The following PRKCB variants were observed in gnomAD, a reference collection of about 807,000 sequenced individuals.
PRKCB encodes protein kinase C beta type.
In PRKCB, 13 loss-of-function variants were observed where a neutral mutation model predicts 81.5. That is an observed-to-expected ratio of 0.16 (90% CI 0.10 to 0.25). PRKCB has a LOEUF of 0.25. Ranked by LOEUF, PRKCB falls within the 10% of genes least tolerant of loss-of-function variation. The pLI, the probability that PRKCB is intolerant of heterozygous loss-of-function variation, is 1.00. For missense variants in PRKCB, 509 were observed against 875.7 expected (o/e 0.58, Z 5.29); for synonymous variants, 335 against 321.4 (o/e 1.04, Z -0.45).
At chr16:24,200,152 C>A (rs992698951) in intron 16 of PRKCB, among the ~76,000 whole-genome samples, 2 of 152,170 alleles carry the variant, frequency 1.3e-5, no homozygotes, top group African/African-American at 4.8e-5. Flanking sequence ...CATTGACTAA[C>A]CTCTGAAAGA....
intron 3 of PRKCB, among the ~76,000 whole-genome samples, chr16:24,016,263 C>T (rs779064088): frequency 3.3e-5 from 5 of 152,122 alleles, no homozygotes; most frequent in Non-Finnish European, 5.9e-5. Flanking sequence ...AAAATCGTGG[C>T]TCACCACGGC....
intron 2 of PRKCB, among the ~76,000 whole-genome samples, chr16:23,960,044 T>C (rs1964404140): frequency 6.6e-6 from 1 of 152,030 alleles, no homozygotes; most frequent in South Asian, 2.1e-4. Flanking sequence ...ATTCGGTCCA[T>C]AGGCATGTCA....
chr16:23,976,110 CAG>C (rs1347709796), intron 2 of PRKCB, among the ~76,000 whole-genome samples: 2 of 151,974 alleles, frequency 1.3e-5, no homozygotes, highest in Non-Finnish European at 2.9e-5. Flanking sequence ...AGTTCGAAAC[CAG>C]CCTGGTCAAC....
chr16:24,011,873 G>A (rs1965206993), intron 3 of PRKCB, among the ~76,000 whole-genome samples: 1 of 152,058 alleles, frequency 6.6e-6, no homozygotes, highest in Admixed American at 6.6e-5. Context: ...TACTTCTTAG[G>A]GTGAGTATTA....
chr16:24,074,300 G>A (rs567954645), intron 5 of PRKCB, among the ~76,000 whole-genome samples: 3 of 152,320 alleles, frequency 2.0e-5, no homozygotes, highest in African/African-American at 7.2e-5. Flanking sequence ...GCCTAAGAGT[G>A]CAGCCTTGGG....
chr16:24,130,482 G>A (rs1410662694), intron 9 of PRKCB, among the ~76,000 whole-genome samples: 4 of 152,094 alleles, frequency 2.6e-5, no homozygotes, highest in African/African-American at 7.2e-5. Flanking sequence ...CCCAAAATAG[G>A]CTTGGTTAAT....
At chr16:23,969,182 CAA>C (rs1258522169) in intron 2 of PRKCB, among the ~76,000 whole-genome samples, 4 of 151,960 alleles carry the variant, frequency 2.6e-5, no homozygotes, top group Non-Finnish European at 4.4e-5. Context: ...AAACCAAAAC[CAA>C]AAAGACATTC....
chr16:23,947,960 A>T (rs1314332349), intron 2 of PRKCB, among the ~76,000 whole-genome samples: 1 of 151,188 alleles, frequency 6.6e-6, no homozygotes, highest in Non-Finnish European at 1.5e-5. Flanking sequence ...CACAACTCAG[A>T]AACCCACTCG....
chr16:23,982,281 C>G (rs1472436848), intron 2 of PRKCB, among the ~76,000 whole-genome samples: 1 of 65,178 alleles, frequency 1.5e-5, no homozygotes, highest in East Asian at 5.4e-4. Flanking sequence ...CCTTTCCCTT[C>G]TCCTTCCCTT....
chr16:23,933,277 T>G (rs764525020), intron 2 of PRKCB, among the ~76,000 whole-genome samples: 38 of 152,330 alleles, frequency 2.5e-4, no homozygotes, highest in Non-Finnish European at 4.3e-4. Context: ...ACATTATGAC[T>G]ATGAACAGGT....
chr16:24,068,283 C>T (rs1306003646), intron 5 of PRKCB, among the ~76,000 whole-genome samples: 1 of 152,050 alleles, frequency 6.6e-6, no homozygotes, highest in Non-Finnish European at 1.5e-5. Context: ...CAATGCCTAG[C>T]GTTGAGTTCA....
chr16:24,150,127 T>C (rs767628502), intron 9 of PRKCB, among the ~76,000 whole-genome samples: 6 of 151,976 alleles, frequency 3.9e-5, no homozygotes, highest in Non-Finnish European at 8.8e-5. Context: ...GGTCTGGAGT[T>C]TGAGAACAGC....
At chr16:23,942,144 C>G (rs1267818673) in intron 2 of PRKCB, among the ~76,000 whole-genome samples, 1 of 152,232 alleles carries the variant, frequency 6.6e-6, no homozygotes, top group South Asian at 2.1e-4. Context: ...CCCTTTTGGT[C>G]TCCAGATGCC....
chr16:23,949,125 G>A (rs1964241586), intron 2 of PRKCB, among the ~76,000 whole-genome samples: 1 of 152,246 alleles, frequency 6.6e-6, no homozygotes, highest in South Asian at 2.1e-4. Context: ...ACACTAGAAT[G>A]TTTACACTCT....
intron 2 of PRKCB, among the ~76,000 whole-genome samples, chr16:23,939,065 AC>A (rs1384463503): frequency 9.2e-5 from 14 of 152,236 alleles, no homozygotes; most frequent in Admixed American, 3.3e-4. Context: ...CATACAAAAA[AC>A]AATTGTATTT....
chr16:23,919,735 T>C (rs1963796726), intron 2 of PRKCB, among the ~76,000 whole-genome samples: 1 of 152,144 alleles, frequency 6.6e-6, no homozygotes, highest in African/African-American at 2.4e-5. Context: ...ACTATAGGTA[T>C]CTCATATAAG....
chr16:24,028,780 C>T (rs1965514595), intron 3 of PRKCB, among the ~76,000 whole-genome samples: 1 of 152,052 alleles, frequency 6.6e-6, no homozygotes, highest in African/African-American at 2.4e-5. Flanking sequence ...TAGCTATAAA[C>T]CTTCATGTAT....
At chr16:23,992,177 A>T (rs1964894434) in intron 3 of PRKCB, among the ~76,000 whole-genome samples, 1 of 152,222 alleles carries the variant, frequency 6.6e-6, no homozygotes. Flanking sequence ...TAGCCTCCAG[A>T]ACTGTGAGGA....
chr16:23,934,553 T>C (rs1386424640), intron 2 of PRKCB, among the ~76,000 whole-genome samples: 2 of 152,224 alleles, frequency 1.3e-5, no homozygotes, highest in Non-Finnish European at 2.9e-5. Context: ...TAGGAATTGC[T>C]GTTTCTCATG....
Sources: allele counts gnomAD v4.1 joint callset (sites outside exome capture counted in the v4.1 genomes callset), GRCh38; gene constraint gnomAD v4.1.1; transcripts MANE v1.5; gene names NCBI Gene and HGNC (gene_info 2026-07-23, HGNC 2026-07-21).